IPO11: variants seen among roughly 807,000 people sequenced by gnomAD.
IPO11 encodes importin-11.
IPO11 carries 66 observed loss-of-function variants against 143.2 expected under a neutral mutation model. The ratio of observed to expected loss-of-function variants is 0.46; its 90% CI spans 0.38 to 0.57. The LOEUF (loss-of-function observed/expected upper bound fraction) is 0.57, where lower values mean the gene tolerates loss of function less well. Among genes scored for constraint, IPO11 ranks in the 20% least tolerant of loss-of-function variants. The pLI is 0.00. For synonymous variants in IPO11, 385 were observed against 377.8 expected, an observed-to-expected ratio of 1.02 and a Z score of -0.22; for missense variants, 1,026 against 1,141.0, an observed-to-expected ratio of 0.90 and a Z score of 1.45.
At chr5:62,413,853 G>A (rs913592978) in intron 1 of IPO11, among the ~76,000 whole-genome samples, 2 of 152,226 alleles carry the variant, frequency 1.3e-5, no homozygotes, top group Non-Finnish European at 2.9e-5. Context: ...ATTAAGGGCA[G>A]GGTGACTCTT....
At chr5:62,418,194 T>G (rs1458076110) in intron 1 of IPO11, among the ~76,000 whole-genome samples, 1 of 151,522 alleles carries the variant, frequency 6.6e-6, no homozygotes, top group African/African-American at 2.4e-5. Context: ...AGAGAGAGTT[T>G]CACTCTTATT....
intron 5 of IPO11, among the ~76,000 whole-genome samples, chr5:62,460,597 C>T (rs1055460017): frequency 6.6e-6 from 1 of 152,146 alleles, no homozygotes; most frequent in African/African-American, 2.4e-5. Context: ...TGCTAAAATA[C>T]TTAGTGTGTA....
intron 9 of IPO11, among the ~76,000 whole-genome samples, chr5:62,480,121 G>A (rs1173944457): frequency 6.6e-6 from 1 of 152,166 alleles, no homozygotes; most frequent in East Asian, 1.9e-4. Flanking sequence ...TTTGTATAAG[G>A]TGTAAGGAAG....
chr5:62,552,999 T>C (rs1743441843), intron 26 of IPO11, among the ~76,000 whole-genome samples: 2 of 152,216 alleles, frequency 1.3e-5, no homozygotes, highest in Admixed American at 1.3e-4. Context: ...TGAAACTATA[T>C]ATTACTGTTA....
In IPO11 at chr5:62,627,329, CAT is replaced by C. The variant is rs1467498334; in HGVS notation, c.*12_*13del. Reference sequence around the variant, plus strand: ...TTGCAAGGATTCTAAGAGCACATGACATGTGGCTGCCTCCCCTTTCAGAAACA... The same window carrying C: ...TTGCAAGGATTCTAAGAGCACATGACGTGGCTGCCTCCCCTTTCAGAAACA... On this transcript the variant is annotated 3_prime_UTR_variant, in exon 30 of 30. Transcript: ENST00000325324. 1.2e-6 allele frequency: 2 copies of C among 1,600,400 alleles called. No individual in the cohort carries two copies. Among genetic ancestry groups the C allele is most frequent in the African/African-American group, 2.7e-5 (2 of 74,858 alleles).
At chr5:62,481,597 C>T (rs970535765) in intron 9 of IPO11, among the ~76,000 whole-genome samples, 1 of 152,078 alleles carries the variant, frequency 6.6e-6, no homozygotes, top group African/African-American at 2.4e-5. Flanking sequence ...GCCTTGCATC[C>T]CAGGAATGAA....
Position 62,458,835 on chromosome 5 carries a change from G to A in IPO11, c.516+6902G>A, listed in dbSNP as rs907752591. On this transcript the variant is annotated intron_variant, in intron 5 of 29. Transcript: ENST00000325324. The stretch of plus-strand genomic sequence containing the variant: ...ACAGAAGAGATTTTGAATATAGCAT[G>A]GTGCGTACTCTTCCTGTATTGATTC... Among the ~76,000 whole-genome samples the A allele has an allele frequency of 2.6e-5, 4 of 152,156 alleles. No individual in the cohort carries two copies. The East Asian group carries it at 7.7e-4, about 29-fold the overall frequency.
At chr5:62,618,392 T>G (rs1381582254) in intron 29 of IPO11, among the ~76,000 whole-genome samples, 1 of 151,816 alleles carries the variant, frequency 6.6e-6, no homozygotes, top group African/African-American at 2.4e-5. Flanking sequence ...TGTCAAGATG[T>G]GAAAAAAAGG....
intron 28 of IPO11, among the ~76,000 whole-genome samples, chr5:62,593,364 G>C (rs922123374): frequency 2.2e-4 from 33 of 152,130 alleles, no homozygotes; most frequent in Admixed American, 2.2e-3. Flanking sequence ...GCCCTGAAAA[G>C]TTAGCTGGGC....
chr5:62,529,671 G>C (rs1453059282), intron 21 of IPO11, among the ~76,000 whole-genome samples: 1 of 152,184 alleles, frequency 6.6e-6, no homozygotes, highest in Non-Finnish European at 1.5e-5. Flanking sequence ...GTAGACCCGT[G>C]TTGGGGGCCA....
At chr5:62,504,826 T>A in intron 17 of IPO11, 32 bp from the exon 18 acceptor site, 1 of 1,460,050 alleles carries the variant, frequency 6.8e-7, no homozygotes, top group East Asian at 2.3e-5. Context: ...ATAAAACTTA[T>A]ATATTCTCAG....
intron 1 of IPO11, among the ~76,000 whole-genome samples, chr5:62,428,687 C>T (rs1279228540): frequency 2.0e-5 from 3 of 151,896 alleles, no homozygotes; most frequent in Admixed American, 6.6e-5. Flanking sequence ...TTTTTAGAGA[C>T]AGGGTCTCAC....
At chr5:62,524,008 A>G (rs566836426) in intron 20 of IPO11, among the ~76,000 whole-genome samples, 131 of 152,282 alleles carry the variant, frequency 8.6e-4, no homozygotes, top group African/African-American at 2.9e-3. Flanking sequence ...TTCTCCTTAC[A>G]TGTTATGTAA....
chr5:62,514,431 A>G (rs1202953742), intron 19 of IPO11, among the ~76,000 whole-genome samples: 4 of 151,916 alleles, frequency 2.6e-5, no homozygotes, highest in African/African-American at 9.7e-5. Context: ...CCCCACCAAA[A>G]AAACACGAAA....
chr5:62,603,794 T>G (rs540917165), intron 29 of IPO11, among the ~76,000 whole-genome samples: 13 of 152,234 alleles, frequency 8.5e-5, no homozygotes, highest in Non-Finnish European at 1.6e-4. Flanking sequence ...AATGAAATGA[T>G]GATAGCAAGG....
rs760805988 is a variant in IPO11 at position 62,484,140 on chromosome 5, G to A, written c.1152G>A (p.Trp384Ter). 6.2e-7 allele frequency: 1 copy of A among 1,602,142 alleles called. No individual in the cohort carries two copies. The highest frequency in any genetic ancestry group is 1.1e-5 in the South Asian group (1 of 87,844). ...TAACTGAAGAAGAACTGACAATGTG[G>A]GAAGAAGACCCAGAAGGCTTTAGTA... ...FLLTEEELTM[W>*]EEDPEGFTVE... Residue 384 changes from tryptophan to a stop codon, truncating the protein, a stop_gained, in exon 11 of 30, where the codon TGG (tryptophan) becomes TGA (stop). Coordinates refer to ENST00000325324, the MANE Select transcript of IPO11 (RefSeq NM_016338.5). LOFTEE classifies it high-confidence loss of function.
At chr5:62,506,466 G>GCTT in intron 19 of IPO11, 109 bp downstream of exon 19, 1 of 598,580 alleles carries the variant, frequency 1.7e-6, no homozygotes, top group Non-Finnish European at 2.9e-6. Flanking sequence ...TAATTGAAAT[G>GCTT]CTTCTAACTT....
intron 7 of IPO11, among the ~76,000 whole-genome samples, chr5:62,470,758 T>C (rs573867218): frequency 8.6e-5 from 13 of 150,588 alleles, no homozygotes; most frequent in African/African-American, 2.9e-4. Flanking sequence ...AGAAAAACCT[T>C]GTCAATAAAT....
chr5:62,471,791 A>G (rs1271914711), intron 7 of IPO11, among the ~76,000 whole-genome samples: 2 of 152,218 alleles, frequency 1.3e-5, no homozygotes, highest in Non-Finnish European at 2.9e-5. Flanking sequence ...CTTATAATGT[A>G]CTTACACAAT....
Sources: allele counts gnomAD v4.1 joint callset (sites outside exome capture counted in the v4.1 genomes callset), GRCh38; gene constraint gnomAD v4.1.1; transcripts MANE v1.5; gene names NCBI Gene and HGNC (gene_info 2026-07-23, HGNC 2026-07-21).